LILRB5: variants seen among roughly 807,000 people sequenced by gnomAD.
LILRB5 encodes the protein leukocyte immunoglobulin like receptor B5.
In LILRB5, 61 loss-of-function variants were observed where a neutral mutation model predicts 68.4. The observed-to-expected ratio is 0.89, with a 90% CI of 0.73 to 1.10. The LOEUF is 1.10. Ranked by LOEUF, LILRB5 falls within the 50% of genes least tolerant of loss-of-function variation. The pLI is 0.00. For synonymous variants in LILRB5, 356 were observed against 315.8 expected, an observed-to-expected ratio of 1.13 and a Z score of -1.35; for missense variants, 771 against 751.6, an observed-to-expected ratio of 1.03 and a Z score of -0.30.
Position 54,252,522 on chromosome 19 carries a change from G to A in LILRB5, c.1502C>T (p.Ala501Val), listed in dbSNP as rs762519162. The A allele has an allele frequency of 3.0e-5, 48 of 1,613,790 alleles. No individual in the cohort carries two copies. In the East Asian group the frequency reaches 5.8e-4, roughly 19 times the overall value. Residue 501 changes from alanine to valine, a missense_variant, in exon 10 of 13, where the codon GCG becomes GTG. By Grantham distance (64) the Ala-to-Val change is moderately conservative. Coordinates refer to ENST00000449561, the MANE Select transcript of LILRB5 (RefSeq NM_001081442.3). ...GCCCTGGTCCTTGGGCTCTGGCCCC[G>A]CAGCCCCTGCAGGACGGTAGAAATG... ...SAHFYRPAGAAGPEPKDQGLQ... is the reference protein window; with the variant it reads ...SAHFYRPAGAVGPEPKDQGLQ...
chr19:54,251,037 C>T (rs2147600621), intron 12 of LILRB5, 105 bp from the exon 13 acceptor site: 1 of 1,605,426 alleles, frequency 6.2e-7, no homozygotes, highest in Admixed American at 1.7e-5. Context: ...CTGTCCTCTT[C>T]TGCCTGTCTG....
Position 54,250,338 on chromosome 19 carries a change from T to C in LILRB5, c.*448A>G, listed in dbSNP as rs2078903352. ...CGTAGCCCTCATTAGTAACTCCTCT[T>C]GTTATTTTTGTCCCCTTCCTCACAC... On this transcript the variant is annotated 3_prime_UTR_variant, in exon 13 of 13. Coordinates refer to ENST00000449561, the MANE Select transcript of LILRB5 (RefSeq NM_001081442.3). The C allele has an allele frequency of 1.2e-5, 2 of 163,764 alleles. No individual in the cohort carries two copies. 10.1% of individuals were successfully genotyped at this position (163,764 alleles called of 1,614,324 possible).
intron 12 of LILRB5, 195 bp from the exon 13 acceptor site, chr19:54,251,127 G>C (rs686334): frequency 0.41 from 533,156 of 1,303,696 alleles, 125,351 homozygotes; most frequent in African/African-American, 0.48. Context: ...TGTTTCACCG[G>C]GGCATACGTC....
At chr19:54,256,825 C>T in intron 2 of LILRB5, 52 bp from the exon 3 acceptor site, 1 of 1,609,828 alleles carries the variant, frequency 6.2e-7, no homozygotes, top group Non-Finnish European at 8.5e-7. Flanking sequence ...CCTCAGATTC[C>T]AGCTCTCAGC....
At position 54,257,176 on chromosome 19, in the gene LILRB5, T is replaced by C. The variant is rs145581804; in HGVS notation, c.18A>G (p.Ser6=). The change falls in exon 1 of 13, where the codon TCA becomes TCG. Residue 6 remains serine (S), a synonymous_variant. Coordinates refer to ENST00000449561, the MANE Select transcript of LILRB5 (RefSeq NM_001081442.3). ...AAACCTCACCGAGGCAAATCAGGAC[T>C]GAGAGGGTGAGGGTCATGGCGTCAG... MTLTL[S]VLICLGLSVG... 4.0e-4 allele frequency: 650 copies of C among 1,614,090 alleles called. 2 individuals carry two copies. The African/African-American group carries it at 7.7e-3, about 19-fold the overall frequency.
At chr19:54,254,102 G>A (rs2079042959) in intron 7 of LILRB5, 34 bp from the exon 8 acceptor site, 1 of 1,580,014 alleles carries the variant, frequency 6.3e-7, no homozygotes, top group Non-Finnish European at 8.6e-7. Context: ...GGCTGGGGCT[G>A]CCCTGCTCCC....
chr19:54,253,125 A>C, intron 8 of LILRB5, 138 bp from the exon 9 acceptor site: 1 of 367,492 alleles, frequency 2.7e-6, no homozygotes, highest in Admixed American at 4.0e-5. Flanking sequence ...CAACCCCCCA[A>C]TTCACAGAGG....
Position 54,254,782 on chromosome 19 carries a change from G to C in LILRB5, c.1208C>G (p.Pro403Arg). Reference sequence around the variant, plus strand: ...GTAACTAGGGCTGGACAGCAGGTAGGGGTAGGACCTGATTGCGCTGTAGCA... The same window carrying C: ...GTAACTAGGGCTGGACAGCAGGTAGCGGTAGGACCTGATTGCGCTGTAGCA... ...YRCYSAIRSY[P>R]YLLSSPSYPQ... Residue 403 changes from proline (P) to arginine (R), a missense_variant, in exon 6 of 13, where the codon CCC becomes CGC. Coordinates refer to ENST00000449561, the MANE Select transcript of LILRB5 (RefSeq NM_001081442.3). 6.2e-7 allele frequency: 1 copy of C among 1,614,168 alleles called. No homozygotes were observed. The highest frequency in any genetic ancestry group is 8.5e-7 in the Non-Finnish European group (1 of 1,180,016).
chr19:54,253,423 G>GT (rs1337086402), intron 8 of LILRB5: 2 of 209,000 alleles, frequency 9.6e-6, no homozygotes, highest in Non-Finnish European at 9.7e-6. Flanking sequence ...GCTCAGCCAG[G>GT]TCCGTTTCCC....
chr19:54,251,678 T>A, intron 12 of LILRB5: 2 of 628,514 alleles, frequency 3.2e-6, no homozygotes, highest in Non-Finnish European at 6.1e-6. Flanking sequence ...TGCTCCCTGC[T>A]GTGTCTGCAG....
At chr19:54,253,484 C>T in intron 8 of LILRB5, 1 of 264,110 alleles carries the variant, frequency 3.8e-6, no homozygotes, top group Non-Finnish European at 7.3e-6. Context: ...GATAGGGGCT[C>T]TGTGTGTATC....
At position 54,250,852 on chromosome 19, in the gene LILRB5, A is replaced by C. The variant is rs140799798; in HGVS notation, c.1710T>G (p.Pro570=). 4,083 of 1,612,722 alleles carry C rather than the reference A, an allele frequency of 2.5e-3. 29 individuals are homozygous for C. The highest frequency in any genetic ancestry group is 2.2e-3 in the Non-Finnish European group (2,580 of 1,179,876). Reference sequence around the variant, plus strand: ...GAGGTTCCCTTTCCTGGGATGGAGGAGGCTCAGTTGCCTCCCGTCTGAGGG... The same window carrying C: ...GAGGTTCCCTTTCCTGGGATGGAGGCGGCTCAGTTGCCTCCCGTCTGAGGG... ...SLTLRREATE[P]PPSQEREPPA... The change falls in exon 13 of 13, where the codon CCT becomes CCG. Residue 570 remains proline, a synonymous_variant. Coordinates refer to ENST00000449561, the MANE Select transcript of LILRB5 (RefSeq NM_001081442.3).
intron 9 of LILRB5, 21 bp from the exon 10 acceptor site, chr19:54,252,570 G>C: frequency 1.2e-6 from 2 of 1,613,206 alleles, no homozygotes; most frequent in Non-Finnish European, 1.7e-6. Flanking sequence ...ATGGACAGAG[G>C]GTCAGGCCTG....
chr19:54,256,110 A>G lies in LILRB5; in HGVS notation c.588T>C (p.Tyr196=). The G allele has an allele frequency of 6.2e-7, 1 of 1,601,170 alleles. No homozygotes were observed. The highest frequency in any genetic ancestry group is 2.2e-5 in the East Asian group (1 of 44,634). Residue 196 remains tyrosine, a synonymous_variant, in exon 4 of 13, where the codon TAT becomes TAC. Transcript: ENST00000449561. ...CCTGAGGGTTTTTCCTGTAATAGTA[A>G]TAGCATCTGAACCTCCACCTGCAGC... ...TPSCRWRFRC[Y]YYYRKNPQVW...
intron 8 of LILRB5, 58 bp downstream of exon 8, chr19:54,253,960 A>G: frequency 6.4e-7 from 1 of 1,556,754 alleles, no homozygotes; most frequent in Admixed American, 1.9e-5. Context: ...CCTACGACAG[A>G]ACCCACCCCT....
In LILRB5 at chr19:54,255,423, T is replaced by G. The variant is rs1425752852; in HGVS notation, c.815A>C (p.Gln272Pro). ...GAAGTTGGCCTGGGAGAGCCCAGCCTGGGGCTGCTGGCCAGAGCCCTGGAC... is the reference window on the plus strand; with the variant it reads ...GAAGTTGGCCTGGGAGAGCCCAGCCGGGGGCTGCTGGCCAGAGCCCTGGAC... ...DLVQGSGQQPQAGLSQANFTL... is the reference protein window; with the variant it reads ...DLVQGSGQQPPAGLSQANFTL... The change falls in exon 5 of 13, where the codon CAG (glutamine) becomes CCG (proline). Residue 272 changes from glutamine to proline, a missense_variant. Transcript: ENST00000449561. 6.2e-7 allele frequency: 1 copy of G among 1,614,000 alleles called. No individual in the cohort carries two copies. Among genetic ancestry groups the G allele is most frequent in the Non-Finnish European group, 8.5e-7 (1 of 1,180,026 alleles).
chr19:54,256,803 G>A (rs1441807194), intron 2 of LILRB5, 30 bp from the exon 3 acceptor site: 1 of 1,611,798 alleles, frequency 6.2e-7, no homozygotes, highest in East Asian at 2.2e-5. Context: ...TGGATCCCAA[G>A]ACATCCCCAT....
chr19:54,255,461 C>A lies in LILRB5; in HGVS notation c.777G>T (p.Gly259=), dbSNP rs1179683628. The stretch of plus-strand genomic sequence containing the variant: ...CAGAGCCCTGGACGAGGTCATGTTC[C>A]CCCTCCTTGTACAGAACGAATATGT... ...GYDIFVLYKE[G]EHDLVQGSGQ... is the part of the protein sequence containing the mutation. Residue 259 remains glycine, a synonymous_variant, in exon 5 of 13, where the codon GGG becomes GGT. Transcript: ENST00000449561. The A allele has an allele frequency of 6.2e-7, 1 of 1,614,158 alleles. No homozygotes were observed.
Position 54,252,422 on chromosome 19 carries a change from G to A in LILRB5, c.1539-19C>T. The stretch of plus-strand genomic sequence containing the variant: ...GCTGGCCCTGGGGGAGGACACGGGA[G>A]TGTGAGGGGCAGTGAGGGGGCTGTG... On this transcript the variant is annotated intron_variant, in intron 10 of 12. Coordinates refer to ENST00000449561, the MANE Select transcript of LILRB5 (RefSeq NM_001081442.3). The A allele has an allele frequency of 1.2e-6, 2 of 1,614,174 alleles. No homozygotes were observed. The highest frequency in any genetic ancestry group is 1.7e-6 in the Non-Finnish European group (2 of 1,180,008).
Sources: allele counts gnomAD v4.1 joint callset, GRCh38; gene constraint gnomAD v4.1.1; transcripts MANE v1.5; gene names NCBI Gene and HGNC (gene_info 2026-07-23, HGNC 2026-07-21).